The following CCDC73 variants were observed in gnomAD, a reference collection of about 807,000 sequenced individuals.
The protein encoded by CCDC73 is coiled-coil domain-containing protein 73.
CCDC73 carries 95 observed loss-of-function variants against 116.5 expected under a neutral mutation model. The ratio of observed to expected loss-of-function variants is 0.82; its 90% confidence interval spans 0.69 to 0.97. The LOEUF (loss-of-function observed/expected upper bound fraction) is 0.97. Ranked by LOEUF, CCDC73 falls within the 50% of genes least tolerant of loss-of-function variation. The probability of loss-of-function intolerance (pLI) is 0.00; values close to 1 mark genes in which losing one functional copy is unlikely to be tolerated. For missense variants in CCDC73, 1,066 were observed against 1,206.8 expected (o/e 0.88, Z 1.73); for synonymous variants, 398 against 401.3 (o/e 0.99, Z 0.10).
intron 9 of CCDC73, among the ~76,000 whole-genome samples, chr11:32,670,441 G>T (rs1468970392): frequency 1.3e-5 from 2 of 151,660 alleles, no homozygotes; most frequent in African/African-American, 4.8e-5. Flanking sequence ...AGAATGGCGT[G>T]AACCTGGGGG....
At chr11:32,624,158 C>A (rs1565059242) in intron 14 of CCDC73, among the ~76,000 whole-genome samples, 3 of 147,394 alleles carry the variant, frequency 2.0e-5, no homozygotes, top group African/African-American at 7.6e-5. Context: ...AAGGTGAAAC[C>A]CCATATCTAC....
At chr11:32,779,213 C>T (rs1002136532) in intron 1 of CCDC73, among the ~76,000 whole-genome samples, 1 of 144,560 alleles carries the variant, frequency 6.9e-6, no homozygotes, top group Non-Finnish European at 1.5e-5. Context: ...TGCCTCTCTG[C>T]ACTATACAAA....
chr11:32,648,802 C>T (rs1038992809), intron 12 of CCDC73, among the ~76,000 whole-genome samples: 3 of 152,206 alleles, frequency 2.0e-5, no homozygotes, highest in African/African-American at 2.4e-5. Context: ...CCACCCACCT[C>T]GGCCTCCCAA....
intron 11 of CCDC73, 36 bp from the exon 12 acceptor site, chr11:32,653,263 T>A (rs1855843004): frequency 3.1e-6 from 4 of 1,304,774 alleles, no homozygotes; most frequent in Non-Finnish European, 4.4e-6. Context: ...TTTAAAAGTT[T>A]TAAGATAGGT....
chr11:32,767,131 C>A (rs9666408), intron 1 of CCDC73, among the ~76,000 whole-genome samples: 87,368 of 151,906 alleles, frequency 0.58, 25,433 homozygotes, highest in East Asian at 0.84. Context: ...AGATATAGAC[C>A]AATGGAACAG....
At chr11:32,704,812 A>G (rs1007042633) in intron 3 of CCDC73, among the ~76,000 whole-genome samples, 4 of 152,056 alleles carry the variant, frequency 2.6e-5, no homozygotes, top group Non-Finnish European at 5.9e-5. Flanking sequence ...AAAACCCTGG[A>G]CTCAGCCAGA....
intron 12 of CCDC73, among the ~76,000 whole-genome samples, chr11:32,644,503 A>G (rs2133252883): frequency 6.6e-6 from 1 of 152,314 alleles, no homozygotes; most frequent in Admixed American, 6.5e-5. Context: ...CATAAAATTT[A>G]CCATTTTAAC....
At chr11:32,797,035 G>C (rs528092554), upstream of CCDC73, among the ~76,000 whole-genome samples, 241 of 108,166 alleles carry the variant, frequency 2.2e-3, 2 homozygotes, top group Non-Finnish European at 3.3e-3. Flanking sequence ...AAAAAAAAAA[G>C]TAACAACTTA....
chr11:32,683,598 C>T, intron 6 of CCDC73, 24 bp from the exon 7 acceptor site: 1 of 1,341,876 alleles, frequency 7.5e-7, no homozygotes, highest in Non-Finnish European at 1.1e-6. Flanking sequence ...GGGGAAAAAT[C>T]TCATTAAAAT....
intron 13 of CCDC73, 80 bp from the exon 14 acceptor site, chr11:32,635,910 A>T: frequency 1.2e-6 from 1 of 862,722 alleles, no homozygotes. Flanking sequence ...TCATTAACAA[A>T]AGTTTCAGGA....
intron 9 of CCDC73, among the ~76,000 whole-genome samples, chr11:32,657,739 A>G (rs1032908509): frequency 1.3e-5 from 2 of 152,150 alleles, no homozygotes; most frequent in Admixed American, 1.3e-4. Flanking sequence ...ACCAAAGATC[A>G]CAGCTAATCC....
intron 1 of CCDC73, among the ~76,000 whole-genome samples, chr11:32,766,477 G>A (rs184378299): frequency 7.9e-4 from 120 of 152,272 alleles, no homozygotes; most frequent in African/African-American, 2.7e-3. Flanking sequence ...GCAGGAGAAA[G>A]AAATAAAGGG....
chr11:32,697,178 T>C (rs1238801650), intron 6 of CCDC73, among the ~76,000 whole-genome samples: 7 of 111,070 alleles, frequency 6.3e-5, no homozygotes, highest in African/African-American at 2.1e-4. Context: ...TTTGTGTTTA[T>C]ACATACACAT....
chr11:32,622,761 T>C (rs1855534914), intron 14 of CCDC73, among the ~76,000 whole-genome samples: 1 of 150,866 alleles, frequency 6.6e-6, no homozygotes, highest in African/African-American at 2.4e-5. Context: ...AAATTATATA[T>C]ATAATACACA....
chr11:32,792,884 G>A (rs1319738879), intron 1 of CCDC73, among the ~76,000 whole-genome samples: 3 of 152,268 alleles, frequency 2.0e-5, no homozygotes, highest in African/African-American at 7.2e-5. Flanking sequence ...AATACCTACG[G>A]TACAGGGTTT....
chr11:32,785,909 A>G (rs1348933502), intron 1 of CCDC73, among the ~76,000 whole-genome samples: 1 of 152,170 alleles, frequency 6.6e-6, no homozygotes, highest in Non-Finnish European at 1.5e-5. Flanking sequence ...AATAATACTT[A>G]TTTCACAGGA....
chr11:32,752,841 C>T (rs992068880), intron 2 of CCDC73, among the ~76,000 whole-genome samples: 1 of 152,096 alleles, frequency 6.6e-6, no homozygotes, highest in African/African-American at 2.4e-5. Context: ...TCTTGCTTGT[C>T]ATCCATGCTG....
chr11:32,768,420 A>G (rs1850462879), intron 1 of CCDC73, among the ~76,000 whole-genome samples: 1 of 152,236 alleles, frequency 6.6e-6, no homozygotes, highest in Non-Finnish European at 1.5e-5. Flanking sequence ...ATGTATACAT[A>G]TGTAACAAAC....
chr11:32,664,546 T>C (rs1351382941), intron 9 of CCDC73, among the ~76,000 whole-genome samples: 1 of 152,200 alleles, frequency 6.6e-6, no homozygotes, highest in African/African-American at 2.4e-5. Context: ...TCCTTTTTTA[T>C]TGTGTCTATT....
Sources: allele counts gnomAD v4.1 joint callset (sites outside exome capture counted in the v4.1 genomes callset), GRCh38; gene constraint gnomAD v4.1.1; transcripts MANE v1.5; gene names NCBI Gene and HGNC (gene_info 2026-07-23, HGNC 2026-07-21).